ATP8A2: variants seen among roughly 807,000 people sequenced by gnomAD.
The protein encoded by ATP8A2 is phospholipid-transporting ATPase IB.
In ATP8A2, 100 loss-of-function variants were observed where a neutral mutation model predicts 165.6. The observed-to-expected ratio is 0.60, with a 90% CI of 0.51 to 0.71. The LOEUF (loss-of-function observed/expected upper bound fraction) is 0.71. Ranked by LOEUF, ATP8A2 falls within the 30% of genes least tolerant of loss-of-function variation. The probability of loss-of-function intolerance (pLI) is 0.00; values close to 1 mark genes in which losing one functional copy is unlikely to be tolerated. For missense variants in ATP8A2, 1,227 were observed against 1,479.5 expected (o/e 0.83, Z 2.80); for synonymous variants, 543 against 548.8 (o/e 0.99, Z 0.15).
chr13:25,421,015 T>G (rs2034283988), intron 1 of ATP8A2, among the ~76,000 whole-genome samples: 1 of 152,260 alleles, frequency 6.6e-6, no homozygotes, highest in African/African-American at 2.4e-5. Context: ...AAAGCTTTGA[T>G]TGAGGTTCTA....
At chr13:25,722,066 A>C (rs1473255290) in intron 25 of ATP8A2, among the ~76,000 whole-genome samples, 2 of 152,216 alleles carry the variant, frequency 1.3e-5, no homozygotes, top group African/African-American at 4.8e-5. Context: ...TCTCACCAGC[A>C]GTGTGGAAAG....
intron 33 of ATP8A2, among the ~76,000 whole-genome samples, chr13:25,925,193 T>G (rs1275957857): frequency 6.6e-6 from 1 of 152,194 alleles, no homozygotes; most frequent in Admixed American, 6.5e-5. Flanking sequence ...GTTTGTGAAG[T>G]CACAGTGACT....
At chr13:25,593,658 C>T (rs2040155569) in intron 24 of ATP8A2, among the ~76,000 whole-genome samples, 1 of 152,108 alleles carries the variant, frequency 6.6e-6, no homozygotes, top group Non-Finnish European at 1.5e-5. Context: ...GGCACACTGA[C>T]CAGAAATTGG....
chr13:25,585,765 G>A (rs1397562341), intron 23 of ATP8A2, among the ~76,000 whole-genome samples: 1 of 152,140 alleles, frequency 6.6e-6, no homozygotes, highest in Non-Finnish European at 1.5e-5. Context: ...GCCATTCTCA[G>A]GTGAAGCTGG....
chr13:25,769,692 A>G (rs911543972), intron 26 of ATP8A2, among the ~76,000 whole-genome samples: 3 of 3,484 alleles, frequency 8.6e-4, no homozygotes, highest in Non-Finnish European at 0.018. Flanking sequence ...AGGGAGAAGC[A>G]GTGATTACAG....
At chr13:25,888,837 C>T (rs1028062445) in intron 33 of ATP8A2, among the ~76,000 whole-genome samples, 10 of 152,070 alleles carry the variant, frequency 6.6e-5, no homozygotes, top group African/African-American at 2.2e-4. Flanking sequence ...CCAGCCTGGG[C>T]GACAAGACGG....
At chr13:25,990,261 TAAAAAAAAAAAA>T (rs3056351) in intron 35 of ATP8A2, among the ~76,000 whole-genome samples, 1 of 108,370 alleles carries the variant, frequency 9.2e-6, no homozygotes, top group Admixed American at 9.9e-5. Flanking sequence ...CATGTAACTG[TAAAAAAAAAAAA>T]AAAAAAAAAG....
At chr13:25,580,566 A>C (rs1593578436) in intron 22 of ATP8A2, among the ~76,000 whole-genome samples, 1 of 151,850 alleles carries the variant, frequency 6.6e-6, no homozygotes, top group African/African-American at 2.4e-5. Flanking sequence ...TCCCTCTGTT[A>C]CCCAGGACCC....
intron 25 of ATP8A2, among the ~76,000 whole-genome samples, chr13:25,743,821 A>C (rs984164809): frequency 6.6e-6 from 1 of 152,220 alleles, no homozygotes; most frequent in Non-Finnish European, 1.5e-5. Context: ...TTAGTTATGA[A>C]AACCTATATT....
At chr13:25,538,981 G>C (rs4438153) in intron 7 of ATP8A2, among the ~76,000 whole-genome samples, 101,452 of 151,820 alleles carry the variant, frequency 0.67, 35,106 homozygotes, top group African/African-American at 0.76. Flanking sequence ...CAAAGAAACC[G>C]TTAGAAATAT....
intron 27 of ATP8A2, among the ~76,000 whole-genome samples, chr13:25,782,042 G>A (rs967301845): frequency 2.0e-5 from 3 of 152,232 alleles, no homozygotes; most frequent in Non-Finnish European, 2.9e-5. Flanking sequence ...GAGAGTAGAT[G>A]TTTTAAACCA....
At chr13:25,964,005 G>A (rs937912749) in intron 34 of ATP8A2, among the ~76,000 whole-genome samples, 10 of 152,182 alleles carry the variant, frequency 6.6e-5, no homozygotes, top group Non-Finnish European at 1.2e-4. Context: ...GCATAAACCC[G>A]GGCTCTGCAG....
At chr13:25,467,558 T>TG (rs1328871227) in intron 1 of ATP8A2, among the ~76,000 whole-genome samples, 1 of 143,932 alleles carries the variant, frequency 6.9e-6, no homozygotes, top group East Asian at 2.0e-4. Flanking sequence ...AGATGTCAGT[T>TG]TTTTTTTTTT....
intron 24 of ATP8A2, among the ~76,000 whole-genome samples, chr13:25,590,546 G>A (rs148500648): frequency 6.6e-6 from 1 of 152,288 alleles, no homozygotes; most frequent in African/African-American, 2.4e-5. Context: ...GACCAGCAGT[G>A]GGAGCTGATT....
intron 1 of ATP8A2, among the ~76,000 whole-genome samples, chr13:25,395,165 G>GCTC (rs759498182): frequency 6.6e-6 from 1 of 152,020 alleles, no homozygotes; most frequent in Non-Finnish European, 1.5e-5. Context: ...CAGGGCCCTC[G>GCTC]CTCCTGAACC....
chr13:25,891,593 C>T (rs566910483), intron 33 of ATP8A2, among the ~76,000 whole-genome samples: 16 of 152,104 alleles, frequency 1.1e-4, no homozygotes, highest in Admixed American at 7.9e-4. Flanking sequence ...CAAAGTGCTG[C>T]GATTACAGGT....
At chr13:25,724,089 A>C (rs566843692) in intron 25 of ATP8A2, among the ~76,000 whole-genome samples, 2 of 152,296 alleles carry the variant, frequency 1.3e-5, no homozygotes, top group East Asian at 3.9e-4. Context: ...CAGCCATGTG[A>C]GTTTGGAAGA....
At chr13:25,965,438 C>A (rs61947421) in intron 34 of ATP8A2, among the ~76,000 whole-genome samples, 1 of 152,140 alleles carries the variant, frequency 6.6e-6, no homozygotes, top group Non-Finnish European at 1.5e-5. Context: ...CATAAAATGC[C>A]TACGCTATTA....
intron 24 of ATP8A2, among the ~76,000 whole-genome samples, chr13:25,601,786 T>A (rs1373374444): frequency 6.6e-6 from 1 of 152,186 alleles, no homozygotes; most frequent in East Asian, 1.9e-4. Context: ...GCTTGTATTG[T>A]TAACGTGATT....
Sources: gnomAD v4.1 joint callset for allele counts (sites outside exome capture counted in the v4.1 genomes callset) on GRCh38, gnomAD v4.1.1 for gene constraint, MANE v1.5 for transcripts, NCBI Gene and HGNC (gene_info 2026-07-23, HGNC 2026-07-21) for gene names.